The following TNFRSF13B variants were observed in gnomAD, a reference collection of about 807,000 sequenced individuals.
The protein encoded by TNFRSF13B is tumor necrosis factor receptor superfamily member 13B.
Under a neutral mutation model 24.0 loss-of-function variants are expected in TNFRSF13B, and 34 were observed. The ratio of observed to expected loss-of-function variants is 1.41; its 90% CI spans 1.08 to 1.88. The LOEUF (loss-of-function observed/expected upper bound fraction) is 1.88, where lower values mean the gene tolerates loss of function less well. Ranked by LOEUF, TNFRSF13B falls within the 40% of genes most tolerant of loss-of-function variation. The pLI, the probability that TNFRSF13B is intolerant of heterozygous loss-of-function variation, is 0.00. For missense variants in TNFRSF13B, 415 were observed against 380.8 expected (o/e 1.09, Z -0.75); for synonymous variants, 173 against 150.3 (o/e 1.15, Z -1.10).
In TNFRSF13B at chr17:16,940,465, G is replaced by A; in HGVS notation, c.492C>T (p.Tyr164=). ...KLSADQVALV[Y]STLGLCLCAV... ...CACACAGGCAGAGCCCCAGCGTGCT[G>A]TAGACCAGGGCCACCTGATCTGCAC... Residue 164 remains tyrosine (Y), a synonymous_variant, in exon 4 of 5, where the codon TAC becomes TAT. Coordinates refer to ENST00000261652, the MANE Select transcript of TNFRSF13B (RefSeq NM_012452.3). 1.2e-6 allele frequency: 2 copies of A among 1,613,878 alleles called. No individual in the cohort carries two copies. The highest frequency in any genetic ancestry group is 1.7e-6 in the Non-Finnish European group (2 of 1,180,018).
At chr17:16,953,236 G>A (rs2087602449) in intron 1 of TNFRSF13B, among the ~76,000 whole-genome samples, 1 of 152,330 alleles carries the variant, frequency 6.6e-6, no homozygotes, top group South Asian at 2.1e-4. Flanking sequence ...CACAGCACCT[G>A]CTCATTAAGT....
In TNFRSF13B at chr17:16,963,670, C is replaced by T. The variant is rs567332841; in HGVS notation, c.61+8345G>A. The stretch of plus-strand genomic sequence containing the variant: ...GTTCACGTCATTCTCCTGCCTCAGC[C>T]TCCAGAGTAGCTGGCACTACAGGTG... On this transcript the variant is annotated intron_variant, in intron 1 of 4. Transcript: ENST00000261652. 5.3e-5 allele frequency among the ~76,000 whole-genome samples: 8 copies of T among 152,324 alleles called. 1 individual carries two copies. In the South Asian group the frequency reaches 1.0e-3, roughly 20 times the overall value.
At chr17:16,947,935 A>G (rs1597660730) in intron 3 of TNFRSF13B, among the ~76,000 whole-genome samples, 2 of 152,242 alleles carry the variant, frequency 1.3e-5, no homozygotes, top group East Asian at 3.8e-4. Context: ...TAGCAAAGAC[A>G]TGGAATCAAT....
chr17:16,966,995 T>G (rs142420009), intron 1 of TNFRSF13B, among the ~76,000 whole-genome samples: 12 of 151,948 alleles, frequency 7.9e-5, no homozygotes, highest in Non-Finnish European at 1.5e-4. Flanking sequence ...CTCGCCAGCA[T>G]GCCTGGCTAA....
At chr17:16,970,988 A>G (rs2087739609) in intron 1 of TNFRSF13B, among the ~76,000 whole-genome samples, 1 of 152,186 alleles carries the variant, frequency 6.6e-6, no homozygotes, top group Non-Finnish European at 1.5e-5. Context: ...CCATCTGGCC[A>G]TGGGTTCTGT....
intron 4 of TNFRSF13B, 105 bp from the exon 5 acceptor site, chr17:16,939,902 A>C: frequency 3.5e-6 from 5 of 1,414,934 alleles, no homozygotes; most frequent in East Asian, 5.0e-5. Flanking sequence ...AGCTAAGGGC[A>C]ATCACCAGCG....
intron 1 of TNFRSF13B, among the ~76,000 whole-genome samples, chr17:16,953,948 G>T (rs1215286898): frequency 6.6e-6 from 1 of 152,166 alleles, no homozygotes; most frequent in Non-Finnish European, 1.5e-5. Flanking sequence ...TGTATTTTTA[G>T]TAGAGAGCGG....
At chr17:16,960,319 A>G (rs1281450425) in intron 1 of TNFRSF13B, among the ~76,000 whole-genome samples, 1 of 152,196 alleles carries the variant, frequency 6.6e-6, no homozygotes, top group African/African-American at 2.4e-5. Flanking sequence ...GCTTTGCCCT[A>G]AGATCAGAAC....
intron 1 of TNFRSF13B, among the ~76,000 whole-genome samples, chr17:16,971,659 G>A (rs2087745422): frequency 1.3e-5 from 2 of 152,156 alleles, no homozygotes; most frequent in African/African-American, 4.8e-5. Flanking sequence ...AATAAATCCT[G>A]TGGTCTCCAC....
chr17:16,971,975 C>T, intron 1 of TNFRSF13B, 40 bp downstream of exon 1: 1 of 1,611,010 alleles, frequency 6.2e-7, no homozygotes, highest in Non-Finnish European at 8.5e-7. Context: ...CCTCCTCACA[C>T]CTCCCACCTG....
intron 1 of TNFRSF13B, among the ~76,000 whole-genome samples, chr17:16,966,826 CTTTTTCT>C (rs1373810927): frequency 5.7e-5 from 6 of 105,262 alleles, no homozygotes; most frequent in South Asian, 3.0e-4. Context: ...TTTGTTTTTT[CTTTTTCT>C]TTTTTCTTTT....
intron 1 of TNFRSF13B, among the ~76,000 whole-genome samples, chr17:16,955,484 T>G (rs1329570365): frequency 3.9e-5 from 6 of 152,206 alleles, no homozygotes; most frequent in Non-Finnish European, 8.8e-5. Flanking sequence ...GGCTGGAAGA[T>G]GTAATCGAAT....
intron 2 of TNFRSF13B, among the ~76,000 whole-genome samples, chr17:16,951,746 G>C (rs1164218695): frequency 6.6e-6 from 1 of 152,142 alleles, no homozygotes; most frequent in African/African-American, 2.4e-5. Flanking sequence ...AAATTAGCCG[G>C]GTGTGGTGGC....
intron 3 of TNFRSF13B, among the ~76,000 whole-genome samples, chr17:16,941,653 G>C (rs756565343): frequency 6.6e-6 from 1 of 152,156 alleles, no homozygotes; most frequent in Non-Finnish European, 1.5e-5. Flanking sequence ...CTGTATTAAA[G>C]TGTACAACCA....
chr17:16,950,938 T>C (rs1447993446), intron 2 of TNFRSF13B, among the ~76,000 whole-genome samples: 1 of 152,228 alleles, frequency 6.6e-6, no homozygotes, highest in Non-Finnish European at 1.5e-5. Context: ...CCCCAGCCCT[T>C]TAGCTGAAGG....
chr17:16,940,283 C>T, intron 4 of TNFRSF13B, 43 bp downstream of exon 4: 1 of 1,611,818 alleles, frequency 6.2e-7, no homozygotes, highest in Non-Finnish European at 8.5e-7. Flanking sequence ...GGCTTGTCAC[C>T]CAAGCAGCGA....
In TNFRSF13B at chr17:16,948,999, T is replaced by C; in HGVS notation, c.200-16A>G. ...CTGAGTGACCCTGGGAGAGAGAAATTCATGATACTGCTGGGTGACACAGAC... is the reference window on the plus strand; with the variant it reads ...CTGAGTGACCCTGGGAGAGAGAAATCCATGATACTGCTGGGTGACACAGAC... On this transcript the variant is annotated splice_polypyrimidine_tract_variant and intron_variant, in intron 2 of 4. Coordinates refer to ENST00000261652, the MANE Select transcript of TNFRSF13B (RefSeq NM_012452.3). 6.2e-7 allele frequency: 1 copy of C among 1,613,924 alleles called. No individual in the cohort carries two copies. Among genetic ancestry groups the C allele is most frequent in the Non-Finnish European group, 8.5e-7 (1 of 1,180,010 alleles).
chr17:16,943,763 T>C (rs957428817), intron 3 of TNFRSF13B, among the ~76,000 whole-genome samples: 1 of 152,236 alleles, frequency 6.6e-6, no homozygotes, highest in Non-Finnish European at 1.5e-5. Context: ...AACCCCCATG[T>C]TGGGGGACAG....
intron 1 of TNFRSF13B, among the ~76,000 whole-genome samples, chr17:16,965,421 G>A (rs866782055): frequency 3.3e-5 from 5 of 152,162 alleles, no homozygotes; most frequent in Non-Finnish European, 7.3e-5. Flanking sequence ...CTGCCTCCCC[G>A]TACTGTCTCA....
Sources: allele counts gnomAD v4.1 joint callset (sites outside exome capture counted in the v4.1 genomes callset), GRCh38; gene constraint gnomAD v4.1.1; transcripts MANE v1.5; gene names NCBI Gene and HGNC (gene_info 2026-07-23, HGNC 2026-07-21).